ASIC2: variants seen among roughly 807,000 people sequenced by gnomAD.
ASIC2 encodes the protein acid sensing ion channel subunit 2.
Under a neutral mutation model 57.3 loss-of-function variants are expected in ASIC2, and 25 were observed. That is an observed-to-expected ratio of 0.44 (90% confidence interval 0.32 to 0.61). ASIC2 has a LOEUF of 0.61. ASIC2 is among the 20% of genes least tolerant of loss of function. ASIC2 has a pLI of 0.06. For synonymous variants in ASIC2, 319 were observed against 307.5 expected (o/e 1.04, Z -0.39); for missense variants, 641 against 738.1 (o/e 0.87, Z 1.52).
At chr17:33,547,303 T>C (rs1329199998) in intron 1 of ASIC2, among the ~76,000 whole-genome samples, 1 of 152,152 alleles carries the variant, frequency 6.6e-6, no homozygotes, top group African/African-American at 2.4e-5. Flanking sequence ...CACTATTAAA[T>C]GATCAAGAAA....
chr17:33,975,124 T>A (rs1053618011), intron 1 of ASIC2, among the ~76,000 whole-genome samples: 2 of 152,242 alleles, frequency 1.3e-5, no homozygotes, highest in African/African-American at 4.8e-5. Context: ...AATGAATGAA[T>A]GTATGAAATC....
chr17:33,418,945 G>T (rs984232857), intron 1 of ASIC2, among the ~76,000 whole-genome samples: 2 of 149,324 alleles, frequency 1.3e-5, no homozygotes, highest in Non-Finnish European at 1.5e-5. Flanking sequence ...ACACACCGGG[G>T]CCTGTCAGGG....
At chr17:33,174,398 G>A (rs1333473312) in intron 1 of ASIC2, among the ~76,000 whole-genome samples, 1 of 149,154 alleles carries the variant, frequency 6.7e-6, no homozygotes, top group Non-Finnish European at 1.5e-5. Flanking sequence ...TCCAGCCTGG[G>A]TGATGCAGCA....
intron 1 of ASIC2, among the ~76,000 whole-genome samples, chr17:33,804,280 C>G (rs2064785655): frequency 6.6e-6 from 1 of 152,146 alleles, no homozygotes; most frequent in Admixed American, 6.5e-5. Context: ...ACAGGGAAAC[C>G]TTTGGGGGAA....
chr17:33,727,421 A>G (rs1159782292), intron 1 of ASIC2, among the ~76,000 whole-genome samples: 1 of 152,170 alleles, frequency 6.6e-6, no homozygotes, highest in Non-Finnish European at 1.5e-5. Context: ...TTGCAGGGTG[A>G]TATGGCTTGG....
At chr17:33,985,999 G>A (rs1905805957) in intron 1 of ASIC2, among the ~76,000 whole-genome samples, 1 of 152,126 alleles carries the variant, frequency 6.6e-6, no homozygotes, top group African/African-American at 2.4e-5. Context: ...CCTTTTAGAT[G>A]AGACTGCTCT....
chr17:33,140,294 T>C (rs2092382459), intron 1 of ASIC2, among the ~76,000 whole-genome samples: 1 of 152,216 alleles, frequency 6.6e-6, no homozygotes, highest in South Asian at 2.1e-4. Flanking sequence ...GCCTAGTGTA[T>C]GGGCAGCTTC....
intron 1 of ASIC2, among the ~76,000 whole-genome samples, chr17:33,942,564 G>T (rs1916215454): frequency 2.6e-5 from 4 of 152,144 alleles, no homozygotes. Flanking sequence ...TGTGCGGGAG[G>T]CAGGAATTGG....
At chr17:33,253,239 A>G (rs1908947608) in intron 1 of ASIC2, among the ~76,000 whole-genome samples, 1 of 152,182 alleles carries the variant, frequency 6.6e-6, no homozygotes, top group Admixed American at 6.5e-5. Flanking sequence ...GTTTTCAGCT[A>G]TGTGCAACAC....
At chr17:33,154,669 C>A (rs899912367) in intron 1 of ASIC2, among the ~76,000 whole-genome samples, 1 of 152,122 alleles carries the variant, frequency 6.6e-6, no homozygotes, top group African/African-American at 2.4e-5. Flanking sequence ...GCACCTTGGC[C>A]GTGTGTTCCA....
intron 1 of ASIC2, among the ~76,000 whole-genome samples, chr17:33,251,064 A>G (rs1908863968): frequency 1.3e-5 from 2 of 152,232 alleles, no homozygotes; most frequent in African/African-American, 4.8e-5. Flanking sequence ...TATTCAAAGA[A>G]GGAATTGACT....
chr17:33,502,182 G>A (rs970489989), intron 1 of ASIC2, among the ~76,000 whole-genome samples: 1 of 152,170 alleles, frequency 6.6e-6, no homozygotes, highest in Non-Finnish European at 1.5e-5. Context: ...TTGACACTAT[G>A]TGGACAGTGA....
chr17:33,465,194 G>C (rs982421314), intron 1 of ASIC2, among the ~76,000 whole-genome samples: 5 of 152,098 alleles, frequency 3.3e-5, no homozygotes, highest in Non-Finnish European at 5.9e-5. Context: ...GAGCTTAAGG[G>C]ATTGTTAGAG....
chr17:34,149,801 A>T (rs1219897941), intron 1 of ASIC2, among the ~76,000 whole-genome samples: 1 of 152,250 alleles, frequency 6.6e-6, no homozygotes, highest in Non-Finnish European at 1.5e-5. Context: ...AATGGAAATT[A>T]GTACAGCCAT....
At chr17:33,329,016 A>G (rs980317471) in intron 1 of ASIC2, among the ~76,000 whole-genome samples, 3 of 152,186 alleles carry the variant, frequency 2.0e-5, no homozygotes, top group Non-Finnish European at 4.4e-5. Context: ...CTGACTGACT[A>G]AAAGCCTTCC....
chr17:33,344,064 G>A (rs1429387399), intron 1 of ASIC2, among the ~76,000 whole-genome samples: 1 of 152,186 alleles, frequency 6.6e-6, no homozygotes, highest in East Asian at 1.9e-4. Context: ...CTTCACAAAA[G>A]CACTTAGCAC....
chr17:34,095,380 T>A (rs1452823720), intron 1 of ASIC2, among the ~76,000 whole-genome samples: 1 of 152,054 alleles, frequency 6.6e-6, no homozygotes, highest in Non-Finnish European at 1.5e-5. Context: ...GACAGGCTGG[T>A]GGCTACAATA....
At chr17:33,784,648 A>T (rs1053632599) in intron 1 of ASIC2, among the ~76,000 whole-genome samples, 2 of 152,242 alleles carry the variant, frequency 1.3e-5, no homozygotes, top group African/African-American at 4.8e-5. Context: ...TCAAAAAATT[A>T]CTAATGAAGA....
chr17:34,029,668 T>A (rs992642378), intron 1 of ASIC2, among the ~76,000 whole-genome samples: 1 of 152,158 alleles, frequency 6.6e-6, no homozygotes, highest in Non-Finnish European at 1.5e-5. Flanking sequence ...AAAAGAAAGA[T>A]GTATTTTTCT....
Sources: gnomAD v4.1 joint callset for allele counts (sites outside exome capture counted in the v4.1 genomes callset) on GRCh38, gnomAD v4.1.1 for gene constraint, MANE v1.5 for transcripts, NCBI Gene and HGNC (gene_info 2026-07-23, HGNC 2026-07-21) for gene names.